Variants in EDA observed in about 807,000 individuals in gnomAD.
The protein encoded by EDA is ectodysplasin-A.
A neutral mutation model predicts 23.6 loss-of-function variants in EDA; 2 were observed. That is an observed-to-expected ratio of 0.08 (90% CI 0.03 to 0.27). The LOEUF (loss-of-function observed/expected upper bound fraction) is 0.27, where lower values mean the gene tolerates loss of function less well. Among genes scored for constraint, EDA ranks in the 10% least tolerant of loss-of-function variants. The pLI is 1.00. For synonymous variants in EDA, 131 were observed against 132.0 expected (o/e 0.99, Z 0.05); for missense variants, 229 against 324.2 (o/e 0.71, Z 2.26).
chrX:69,929,098 A>G (rs1472017812), intron 1 of EDA, among the ~76,000 whole-genome samples: 1 of 111,835 alleles, frequency 8.9e-6, no homozygotes, highest in Non-Finnish European at 1.9e-5. Flanking sequence ...ATGATATGGC[A>G]GCACTTTCCA....
rs2017527024 is a variant in EDA at position 69,869,017 on chromosome X, GTGGCAC to G, written c.397-88008_397-88003del. 2.7e-5 allele frequency among the ~76,000 whole-genome samples: 3 copies of G among 111,771 alleles called. 1 individual carries two copies. In the South Asian group the frequency reaches 1.1e-3, roughly 42 times the overall value. On this transcript the variant is annotated intron_variant, in intron 1 of 7. Transcript: ENST00000374552. ...CCCTGTGTCTTTCAAGACCTTGATG[GTGGCAC>G]TAATCTCTGCAATCCCGCCACTGAT...
intron 1 of EDA, among the ~76,000 whole-genome samples, chrX:69,751,642 T>C (rs1272521057): frequency 1.8e-5 from 2 of 112,210 alleles, no homozygotes; most frequent in African/African-American, 6.5e-5. Flanking sequence ...ACGATATTGA[T>C]TCTTCCTATC....
At chrX:69,974,034 T>A (rs772708206) in intron 2 of EDA, among the ~76,000 whole-genome samples, 1 of 108,558 alleles carries the variant, frequency 9.2e-6, no homozygotes, top group Non-Finnish European at 1.9e-5. Context: ...AATATATATA[T>A]ATATATTAGG....
chrX:69,645,055 G>T (rs1932891413), intron 1 of EDA, among the ~76,000 whole-genome samples: 1 of 111,074 alleles, frequency 9.0e-6, no homozygotes, highest in Non-Finnish European at 1.9e-5. Flanking sequence ...TTGGCCTAAC[G>T]TTTTCTTTTT....
chrX:69,978,318 TAAAA>T (rs144187734), intron 2 of EDA, among the ~76,000 whole-genome samples: 4 of 20,421 alleles, frequency 2.0e-4, no homozygotes, highest in African/African-American at 2.5e-4. Flanking sequence ...ACTCCATCTC[TAAAA>T]AAAAAAAAAA....
intron 1 of EDA, among the ~76,000 whole-genome samples, chrX:69,723,248 C>A (rs2012658597): frequency 8.9e-6 from 1 of 111,952 alleles, no homozygotes; most frequent in African/African-American, 3.2e-5. Flanking sequence ...GTTAAATTAG[C>A]CTTTCTGGTT....
In EDA at chrX:69,837,830, C is replaced by A. The variant is rs1053605016; in HGVS notation, c.397-119197C>A. On this transcript the variant is annotated intron_variant, in intron 1 of 7. Coordinates refer to ENST00000374552, the MANE Select transcript of EDA (RefSeq NM_001399.5). ...AGCAGGACCCAGAGCTGCATGAATT[C>A]CAGATATTGTTCTTCAAATAAGTTC... Among the ~76,000 whole-genome samples, 6 of 112,384 alleles carry A rather than the reference C, an allele frequency of 5.3e-5. No homozygotes were observed. The East Asian group carries it at 1.7e-3, about 31-fold the overall frequency.
rs770533844 is a variant in EDA at position 69,640,475 on chromosome X, G to A, written c.396+23771G>A. Among the ~76,000 whole-genome samples the A allele has an allele frequency of 2.7e-5, 3 of 111,110 alleles. No homozygotes were observed. The South Asian group carries it at 1.2e-3, about 43-fold the overall frequency. On this transcript the variant is annotated intron_variant, in intron 1 of 7. Transcript: ENST00000374552. ...TCTTAAAGTGGTACTGTTTCAAGTG[G>A]GTCTCTCTTCGAAATCAGAGGACAG...
chrX:69,692,221 C>G (rs867830333), intron 1 of EDA, among the ~76,000 whole-genome samples: 3 of 111,537 alleles, frequency 2.7e-5, no homozygotes, highest in Admixed American at 1.9e-4. Context: ...TGGTTTCACT[C>G]TATGGATTGC....
intron 1 of EDA, among the ~76,000 whole-genome samples, chrX:69,722,890 A>C (rs940295006): frequency 8.9e-6 from 1 of 112,391 alleles, no homozygotes; most frequent in Non-Finnish European, 1.9e-5. Context: ...ATAAGGATTA[A>C]ATGAAATAAT....
intron 1 of EDA, among the ~76,000 whole-genome samples, chrX:69,660,457 C>T (rs1345645014): frequency 2.7e-5 from 3 of 110,364 alleles, no homozygotes; most frequent in African/African-American, 9.9e-5. Context: ...TCGTCATTTA[C>T]ATTAGGTATA....
At chrX:69,996,155 T>C (rs2019653731) in intron 2 of EDA, among the ~76,000 whole-genome samples, 1 of 112,452 alleles carries the variant, frequency 8.9e-6, no homozygotes, top group African/African-American at 3.2e-5. Flanking sequence ...CCAAACTTGC[T>C]AAAGAGAATG....
In EDA at chrX:70,038,529, GTC is replaced by G. The variant is rs1226502780; in HGVS notation, c.*2924_*2925del. ...TTTGAAGGAGAATGGCATGGCAGGA[GTC>G]TCTGCCAGTTACTTGGGCTTCAACA... On this transcript the variant is annotated 3_prime_UTR_variant, in exon 8 of 8. Transcript: ENST00000374552. 7 of 110,850 alleles carry G rather than the reference GTC, an allele frequency of 6.3e-5. No individual in the cohort carries two copies. Among genetic ancestry groups the G allele is most frequent in the Non-Finnish European group, 1.1e-4 (6 of 52,951 alleles). 9.1% of individuals were successfully genotyped at this position (110,850 alleles called of 1,213,427 possible). A position where few individuals can be genotyped will look rare whatever the true frequency, so the allele number is the denominator to read the frequency against.
chrX:70,036,295 A>G lies in EDA; in HGVS notation c.*686A>G, dbSNP rs1362945637. 1 of 112,371 alleles carries G rather than the reference A, an allele frequency of 8.9e-6. No individual in the cohort carries two copies. The highest frequency in any genetic ancestry group is 9.4e-5 in the Admixed American group (1 of 10,658). 9.3% of individuals were successfully genotyped at this position (112,371 alleles called of 1,213,427 possible). ...TTTGGAACAATCACAGGGAATGGCC[A>G]CAAACCTGCCCGCCTAAGACCCTGA... is the stretch of plus-strand genomic sequence containing the variant. On this transcript the variant is annotated 3_prime_UTR_variant, in exon 8 of 8. Coordinates refer to ENST00000374552, the MANE Select transcript of EDA (RefSeq NM_001399.5).
intron 1 of EDA, among the ~76,000 whole-genome samples, chrX:69,744,187 A>G (rs748779927): frequency 8.9e-6 from 1 of 111,926 alleles, no homozygotes; most frequent in East Asian, 2.8e-4. Context: ...CTGTTTCTGA[A>G]TATCTGTGTG....
intron 1 of EDA, 165 bp downstream of exon 1, chrX:69,616,869 C>A: frequency 1.5e-6 from 1 of 677,552 alleles, no homozygotes; most frequent in Non-Finnish European, 2.2e-6. Context: ...GGCAGGTTGT[C>A]TTCGGTCCCT....
intron 2 of EDA, among the ~76,000 whole-genome samples, chrX:70,001,759 TC>T (rs1352084421): frequency 8.9e-6 from 1 of 112,464 alleles, no homozygotes; most frequent in Non-Finnish European, 1.9e-5. Context: ...CTTCATACTT[TC>T]CAAAGCTGTT....
chrX:69,887,039 G>A (rs775860195), intron 1 of EDA, among the ~76,000 whole-genome samples: 1 of 112,205 alleles, frequency 8.9e-6, no homozygotes, highest in Non-Finnish European at 1.9e-5. Context: ...CAAATTACCT[G>A]ACAGAATTCA....
chrX:69,660,511 G>T (rs1271472780), intron 1 of EDA, among the ~76,000 whole-genome samples: 2 of 106,098 alleles, frequency 1.9e-5, no homozygotes, highest in Non-Finnish European at 3.9e-5. Context: ...CCCACAACAG[G>T]CCCCGGTGTG....
Sources: gnomAD v4.1 joint callset for allele counts (sites outside exome capture counted in the v4.1 genomes callset) on GRCh38, gnomAD v4.1.1 for gene constraint, MANE v1.5 for transcripts, NCBI Gene and HGNC (gene_info 2026-07-23, HGNC 2026-07-21) for gene names.